ARHGEF1: variants seen among roughly 807,000 people sequenced by gnomAD.
ARHGEF1 encodes the protein Rho guanine nucleotide exchange factor 1.
A neutral mutation model predicts 119.7 loss-of-function variants in ARHGEF1; 40 were observed. That is an observed-to-expected ratio of 0.33 (90% CI 0.26 to 0.44). The LOEUF is 0.44. ARHGEF1 is among the 20% of genes least tolerant of loss of function. The pLI is 1.00. For missense variants in ARHGEF1, 976 were observed against 1,268.3 expected (o/e 0.77, Z 3.50); for synonymous variants, 494 against 521.0 (o/e 0.95, Z 0.71).
rs1555849338 is a variant in ARHGEF1, at chr19:41,902,883, A to G, written c.1723A>G (p.Ile575Val). The G allele has an allele frequency of 6.2e-7, 1 of 1,610,844 alleles. No homozygotes were observed. Among genetic ancestry groups the G allele is most frequent in the South Asian group, 1.1e-5 (1 of 91,034 alleles). Residue 575 changes from isoleucine (I) to valine (V), a missense_variant, in exon 18 of 29, where the codon ATC becomes GTC. Physicochemically the swap from Ile to Val is conservative, Grantham distance 29 (BLOSUM62 3). Coordinates refer to ENST00000354532, the MANE Select transcript of ARHGEF1 (RefSeq NM_004706.4). The surrounding 1 kb of genome is among the most constrained non-coding windows in gnomAD (Gnocchi z 6.5). ...LTKYPLLLQS[I>V]GQNTEEPTER... Reference sequence around the variant, plus strand: ...CAAGTACCCCCTGCTCCTGCAGAGCATCGGGCAGAACACAGGTACCGCGGG... The same window carrying G: ...CAAGTACCCCCTGCTCCTGCAGAGCGTCGGGCAGAACACAGGTACCGCGGG...
downstream of ARHGEF1, among the ~76,000 whole-genome samples, chr19:41,909,680 C>T (rs2074741536): frequency 6.6e-6 from 1 of 152,106 alleles, no homozygotes; most frequent in African/African-American, 2.4e-5. The surrounding 1 kb of genome is among the most constrained non-coding windows in gnomAD (Gnocchi z 5.2). Context: ...ACTCCAAAGC[C>T]CAGGTTTAGG....
Position 41,902,157 on chromosome 19 carries a change from C to G in ARHGEF1, c.1415-117C>G. The G allele has an allele frequency of 6.4e-7, 1 of 1,553,094 alleles. No individual in the cohort carries two copies. Among genetic ancestry groups the G allele is most frequent in the Middle Eastern group, 1.8e-4 (1 of 5,696 alleles). ...ATGGGGTGGGGGCAGATACGCCATC[C>G]GGTCCCGAGGATCAGACACAGACAC... is the stretch of plus-strand genomic sequence containing the variant. On this transcript the variant is annotated intron_variant, in intron 15 of 28. Transcript: ENST00000354532. The surrounding 1 kb of genome is among the most constrained non-coding windows in gnomAD (Gnocchi z 6.5).
Position 41,888,754 on chromosome 19 carries a change from C to A in ARHGEF1, c.114C>A (p.Asn38Lys). 1 of 1,614,170 alleles carries A rather than the reference C, an allele frequency of 6.2e-7. No individual in the cohort carries two copies. The change falls in exon 4 of 29, where the codon AAC becomes AAA. Residue 38 changes from asparagine to lysine, a missense_variant and splice_region_variant. Physicochemically the swap from Asn to Lys is moderately conservative, Grantham distance 94. This residue lies in a region of ARHGEF1 where 519 missense variants were observed against 580.9 expected (regional missense o/e 0.89). Coordinates refer to ENST00000354532, the MANE Select transcript of ARHGEF1 (RefSeq NM_004706.4). This position sits in a 1 kb window ranked among gnomAD's most constrained non-coding sequence, Gnocchi z 5.1. ...DEDFENELET[N>K]SEEQNSQFQS... ...CTCACCCCTTCCTGCACCCCCAGAA[C>A]TCAGAAGAGCAAAACAGCCAGTTCC... is the stretch of plus-strand genomic sequence containing the variant.
Position 41,892,206 on chromosome 19 carries a change from G to A in ARHGEF1, c.324+83G>A. 1 of 1,551,276 alleles carries A rather than the reference G, an allele frequency of 6.4e-7. No individual in the cohort carries two copies. The highest frequency in any genetic ancestry group is 8.9e-7 in the Non-Finnish European group (1 of 1,128,550). On this transcript the variant is annotated intron_variant, in intron 5 of 28. Transcript: ENST00000354532. The surrounding 1 kb of genome is among the most constrained non-coding windows in gnomAD (Gnocchi z 6.3). ...CCATGCGGTCCCCAGCCTCTGCCCT[G>A]AGGGCAGCTGCTGACCCAGGCCTTC...
At position 41,904,422 on chromosome 19, in the gene ARHGEF1, C is replaced by CT; in HGVS notation, c.2161+45dup. Reference sequence around the variant, plus strand: ...CTGCATGGCCCAGGGCAGAGGGTGTCTTTTTTGGGCAGAGCTGCCTGTGGA... The same window carrying CT: ...CTGCATGGCCCAGGGCAGAGGGTGTCTTTTTTTGGGCAGAGCTGCCTGTGGA... On this transcript the variant is annotated intron_variant, in intron 22 of 28. Transcript: ENST00000354532. The surrounding 1 kb of genome is among the most constrained non-coding windows in gnomAD (Gnocchi z 8.4). 1.3e-6 allele frequency: 2 copies of CT among 1,507,776 alleles called. No homozygotes were observed. The highest frequency in any genetic ancestry group is 1.2e-5 in the South Asian group (1 of 80,696). 93.4% of individuals were successfully genotyped at this position (1,507,776 alleles called of 1,614,324 possible). A position where few individuals can be genotyped will look rare whatever the true frequency, so the allele number is the denominator to read the frequency against.
Position 41,892,001 on chromosome 19 carries a change from A to G in ARHGEF1, c.226-24A>G, listed in dbSNP as rs1242993286. 1 of 1,571,784 alleles carries G rather than the reference A, an allele frequency of 6.4e-7. No individual in the cohort carries two copies. The highest frequency in any genetic ancestry group is 8.7e-7 in the Non-Finnish European group (1 of 1,152,232). The stretch of plus-strand genomic sequence containing the variant: ...TTTGAGGCAGGGTGAGGGAGCGGAG[A>G]GTCATGCTGTGTGTCTCCCCCAGCT... On this transcript the variant is annotated intron_variant, in intron 4 of 28. Coordinates refer to ENST00000354532, the MANE Select transcript of ARHGEF1 (RefSeq NM_004706.4). The surrounding 1 kb of genome is among the most constrained non-coding windows in gnomAD (Gnocchi z 6.3).
chr19:41,928,577 C>T (rs1262669441), intron 1 of ARHGEF1: 4 of 169,224 alleles, frequency 2.4e-5, no homozygotes, highest in African/African-American at 9.7e-5. Flanking sequence ...CCGGGCTCGG[C>T]TCGCAGATAT....
intron 18 of ARHGEF1, among the ~76,000 whole-genome samples, chr19:41,915,390 C>T (rs999866065): frequency 6.6e-6 from 1 of 151,786 alleles, no homozygotes; most frequent in Non-Finnish European, 1.5e-5. Context: ...GCCTCTGCCG[C>T]CCTGTCCCCG....
Position 41,904,008 on chromosome 19 carries a change from A to T in ARHGEF1, c.1918-27A>T. Reference sequence around the variant, plus strand: ...CCCCAATCACCCCCTGCCAACCTGCACAAACCATCACCCCCTCCTGCCCCA... The same window carrying T: ...CCCCAATCACCCCCTGCCAACCTGCTCAAACCATCACCCCCTCCTGCCCCA... On this transcript the variant is annotated intron_variant, in intron 20 of 28. Coordinates refer to ENST00000354532, the MANE Select transcript of ARHGEF1 (RefSeq NM_004706.4). The surrounding 1 kb of genome is among the most constrained non-coding windows in gnomAD (Gnocchi z 8.4). The T allele has an allele frequency of 1.3e-6, 2 of 1,596,534 alleles. No homozygotes were observed. Among genetic ancestry groups the T allele is most frequent in the Admixed American group, 1.7e-5 (1 of 59,708 alleles).
At chr19:41,912,236 G>C (rs1555851328), downstream of ARHGEF1, among the ~76,000 whole-genome samples, 2 of 152,152 alleles carry the variant, frequency 1.3e-5, no homozygotes, top group African/African-American at 4.8e-5. Flanking sequence ...ACCCCTTCTA[G>C]AAACACTGAA....
chr19:41,902,492 A>G lies in ARHGEF1; in HGVS notation c.1498-41A>G, dbSNP rs2074620760. ...CGTACTTTAGTCCCTGTTCTTGCCC[A>G]TCCCCACTGAGACACCTGCCTGGCC... On this transcript the variant is annotated intron_variant, in intron 16 of 28. Coordinates refer to ENST00000354532, the MANE Select transcript of ARHGEF1 (RefSeq NM_004706.4). This position sits in a 1 kb window ranked among gnomAD's most constrained non-coding sequence, Gnocchi z 6.5. The G allele has an allele frequency of 1.9e-6, 3 of 1,613,304 alleles. No individual in the cohort carries two copies. The highest frequency in any genetic ancestry group is 1.7e-4 in the Middle Eastern group (1 of 6,058).
At chr19:41,928,979 T>C (rs1555853611) in exon 2 of ARHGEF1, 2 of 452,034 alleles carry the variant, frequency 4.4e-6, no homozygotes, top group East Asian at 7.0e-5. Context: ...GAGGGACATA[T>C]GGATACAGTA....
rs1555850122 is a variant in ARHGEF1, at chr19:41,906,069, G to A, written c.2491+44G>A. 6.4e-7 allele frequency: 1 copy of A among 1,557,352 alleles called. No individual in the cohort carries two copies. The highest frequency in any genetic ancestry group is 1.7e-5 in the Admixed American group (1 of 59,818). On this transcript the variant is annotated intron_variant, in intron 26 of 28. Coordinates refer to ENST00000354532, the MANE Select transcript of ARHGEF1 (RefSeq NM_004706.4). The surrounding 1 kb of genome is among the most constrained non-coding windows in gnomAD (Gnocchi z 4.5). Reference sequence around the variant, plus strand: ...TCCAGGGTGGCCACCAGCCCAAACAGTGCCTCTGTTCCAACTAGAACAAGG... The same window carrying A: ...TCCAGGGTGGCCACCAGCCCAAACAATGCCTCTGTTCCAACTAGAACAAGG...
chr19:41,901,422 T>A (rs999036388), intron 14 of ARHGEF1, among the ~76,000 whole-genome samples: 1 of 152,096 alleles, frequency 6.6e-6, no homozygotes, highest in Admixed American at 6.5e-5. Context: ...AATGCTGGGA[T>A]TATAGGCATG....
chr19:41,913,371 C>A (rs1555851442), intron 18 of ARHGEF1, among the ~76,000 whole-genome samples: 1 of 150,128 alleles, frequency 6.7e-6, no homozygotes, highest in Non-Finnish European at 1.5e-5. Context: ...GTCTCTGGGT[C>A]TCCCTCTGTC....
intron 1 of ARHGEF1, among the ~76,000 whole-genome samples, chr19:41,925,137 G>A (rs1339908643): frequency 2.0e-5 from 3 of 152,112 alleles, no homozygotes; most frequent in African/African-American, 4.8e-5. Context: ...AGCAAAGAGA[G>A]ATTAAGTGGG....
chr19:41,912,785 G>C (rs1288953382), intron 18 of ARHGEF1: 1 of 545,366 alleles, frequency 1.8e-6, no homozygotes, highest in Non-Finnish European at 2.8e-6. Flanking sequence ...ACGGAGAGAA[G>C]GGGGATGCGG....
Position 41,904,350 on chromosome 19 carries a change from C to T in ARHGEF1, c.2128C>T (p.Leu710Phe). ...GACCATGCTGCGGCCCGTGCTGCGG[C>T]TCACCTCCGCCATGACCCGCGAGGT... The part of the protein sequence containing the change: ...GKTMLRPVLR[L>F]TSAMTREVAT... Residue 710 changes from leucine (L) to phenylalanine (F), a missense_variant, in exon 22 of 29, where the codon CTC becomes TTC. Physicochemically the swap from Leu to Phe is conservative, Grantham distance 22. Around this residue, in one of 3 missense-constraint regions of ARHGEF1, gnomAD observed 286 missense variants for 506.8 expected, o/e 0.56. Transcript: ENST00000354532. The surrounding 1 kb of genome is among the most constrained non-coding windows in gnomAD (Gnocchi z 8.4). 1 of 1,594,044 alleles carries T rather than the reference C, an allele frequency of 6.3e-7. No individual in the cohort carries two copies. Among genetic ancestry groups the T allele is most frequent in the Non-Finnish European group, 8.5e-7 (1 of 1,173,054 alleles).
rs1213970181 is a variant in ARHGEF1 at position 41,902,638 on chromosome 19, C to A, written c.1603C>A (p.Arg535=). 9.9e-6 allele frequency: 16 copies of A among 1,614,110 alleles called. No individual in the cohort carries two copies. Among genetic ancestry groups the A allele is most frequent in the Non-Finnish European group, 1.4e-5 (16 of 1,180,036 alleles). The change falls in exon 17 of 29, where the codon CGG becomes AGG. Residue 535 remains arginine (R), a synonymous_variant. Coordinates refer to ENST00000354532, the MANE Select transcript of ARHGEF1 (RefSeq NM_004706.4). This position sits in a 1 kb window ranked among gnomAD's most constrained non-coding sequence, Gnocchi z 6.5. ...QLKAKQRKDP[R]FCAFVQEAES... is the part of the protein sequence containing the mutation. Reference sequence around the variant, plus strand: ...CAAAGCCAAGCAACGCAAGGACCCTCGGTTCTGTGCCTTCGTGCAGGTGAG... The same window carrying A: ...CAAAGCCAAGCAACGCAAGGACCCTAGGTTCTGTGCCTTCGTGCAGGTGAG...
Sources: gnomAD v4.1 joint callset for allele counts (sites outside exome capture counted in the v4.1 genomes callset) on GRCh38, gnomAD v4.1.1 for gene constraint, gnomAD v4.1.1 regional missense constraint, Gnocchi (gnomAD v3.1) non-coding constraint, MANE v1.5 for transcripts, NCBI Gene and HGNC (gene_info 2026-07-23, HGNC 2026-07-21) for gene names.